The following AKT3 variants were observed in gnomAD, a reference collection of about 807,000 sequenced individuals.
The protein encoded by AKT3 is RAC-gamma serine/threonine-protein kinase.
A neutral mutation model predicts 65.3 loss-of-function variants in AKT3; 15 were observed. The ratio of observed to expected loss-of-function variants is 0.23; its 90% confidence interval spans 0.15 to 0.35. The LOEUF (loss-of-function observed/expected upper bound fraction) is 0.35, where lower values mean the gene tolerates loss of function less well. Among genes scored for constraint, AKT3 ranks in the 10% least tolerant of loss-of-function variants. AKT3 has a pLI of 1.00. For synonymous variants in AKT3, 206 were observed against 183.8 expected (o/e 1.12, Z -0.98); for missense variants, 243 against 576.5 (o/e 0.42, Z 5.92).
rs1002630140 is a variant in AKT3, at chr1:243,659,472, A to G, written c.284+5300T>C. ...AATGTAGCTAAGAACATTTTTGTTA[A>G]AAAAAATAAGGGATATGTTGCTATA... is the stretch of plus-strand genomic sequence containing the variant. On this transcript the variant is annotated intron_variant, in intron 4 of 13. Transcript: ENST00000673466. 3.3e-5 allele frequency among the ~76,000 whole-genome samples: 5 copies of G among 151,976 alleles called. No homozygotes were observed. In the East Asian group the frequency reaches 9.6e-4, roughly 29 times the overall value.
At chr1:243,693,279 T>C (rs1415981907) in intron 3 of AKT3, among the ~76,000 whole-genome samples, 1 of 108,564 alleles carries the variant, frequency 9.2e-6, no homozygotes, top group East Asian at 2.5e-4. Flanking sequence ...TATATATATA[T>C]ATATATATAT....
At chr1:243,547,800 A>G (rs901125121) in intron 11 of AKT3, among the ~76,000 whole-genome samples, 2 of 152,196 alleles carry the variant, frequency 1.3e-5, no homozygotes, top group Non-Finnish European at 2.9e-5. Context: ...TGATACCTGA[A>G]TATCTTTAGT....
intron 6 of AKT3, among the ~76,000 whole-genome samples, chr1:243,626,228 T>C (rs1679149266): frequency 6.6e-6 from 1 of 152,066 alleles, no homozygotes; most frequent in Non-Finnish European, 1.5e-5. Flanking sequence ...GCTAAGAAAA[T>C]AAGACTGAAT....
At chr1:243,570,359 C>T (rs1246299045) in intron 9 of AKT3, among the ~76,000 whole-genome samples, 1 of 152,192 alleles carries the variant, frequency 6.6e-6, no homozygotes, top group Non-Finnish European at 1.5e-5. Flanking sequence ...TTCTTTAATA[C>T]ATCTGGTATA....
At chr1:243,590,684 C>T (rs74153918) in intron 8 of AKT3, among the ~76,000 whole-genome samples, 1,554 of 152,022 alleles carry the variant, frequency 0.01, 20 homozygotes, top group African/African-American at 0.035. Flanking sequence ...TTAACAGATT[C>T]GACACTGAAA....
At chr1:243,583,298 C>G (rs6698416) in intron 8 of AKT3, among the ~76,000 whole-genome samples, 35 of 148,714 alleles carry the variant, frequency 2.4e-4, no homozygotes, top group African/African-American at 6.6e-4. Context: ...ACTACTAGAT[C>G]TACAAAAAGA....
chr1:243,492,344 C>T (rs1429911450), intron 13 of AKT3, among the ~76,000 whole-genome samples: 33 of 141,180 alleles, frequency 2.3e-4, no homozygotes, highest in African/African-American at 1.8e-4. Flanking sequence ...CTCCGTCACC[C>T]GGACTGGAGT....
intron 4 of AKT3, among the ~76,000 whole-genome samples, chr1:243,658,992 T>C (rs1232688759): frequency 2.6e-5 from 4 of 151,880 alleles, no homozygotes; most frequent in African/African-American, 9.7e-5. Context: ...ATCACACCAC[T>C]GCACTACAGC....
At chr1:243,627,360 T>C (rs1374218884) in intron 6 of AKT3, among the ~76,000 whole-genome samples, 1 of 151,756 alleles carries the variant, frequency 6.6e-6, no homozygotes, top group African/African-American at 2.4e-5. Context: ...AGAGACATAC[T>C]GATTGATCTT....
intron 2 of AKT3, among the ~76,000 whole-genome samples, chr1:243,707,792 T>C (rs1055573133): frequency 6.6e-6 from 1 of 152,122 alleles, no homozygotes; most frequent in Non-Finnish European, 1.5e-5. Flanking sequence ...CACACATCAA[T>C]ATCAGGTCTT....
Position 243,564,143 on chromosome 1 carries a change from A to G in AKT3, c.820-295T>C, listed in dbSNP as rs186731904. Among the ~76,000 whole-genome samples the G allele has an allele frequency of 5.3e-4, 81 of 152,332 alleles. No individual in the cohort carries two copies. In the East Asian group the frequency reaches 0.011, roughly 21 times the overall value. On this transcript the variant is annotated intron_variant, in intron 9 of 13. Transcript: ENST00000673466. The stretch of plus-strand genomic sequence containing the variant: ...AATTAAAGCCTAATCAACTTTTCAA[A>G]GCAAACATCAATCCTCTTTTTTTAA...
At chr1:243,526,953 ATACTT>A (rs1399866115) in intron 12 of AKT3, among the ~76,000 whole-genome samples, 5 of 152,230 alleles carry the variant, frequency 3.3e-5, no homozygotes, top group African/African-American at 1.2e-4. Flanking sequence ...ATGGAAGTGT[ATACTT>A]TAAAGGGTGA....
intron 2 of AKT3, among the ~76,000 whole-genome samples, chr1:243,764,623 T>C (rs987622794): frequency 6.6e-6 from 1 of 152,048 alleles, no homozygotes; most frequent in Non-Finnish European, 1.5e-5. Flanking sequence ...CTGACCTCTA[T>C]TACAGAAAAC....
chr1:243,833,793 C>T (rs2148455663), intron 2 of AKT3, among the ~76,000 whole-genome samples: 1 of 151,642 alleles, frequency 6.6e-6, no homozygotes, highest in Admixed American at 6.6e-5. Flanking sequence ...GCCACAGTGG[C>T]TCACACCTGC....
At chr1:243,763,156 AT>A (rs1689598827) in intron 2 of AKT3, among the ~76,000 whole-genome samples, 1 of 152,092 alleles carries the variant, frequency 6.6e-6, no homozygotes, top group Non-Finnish European at 1.5e-5. Context: ...ATTCGCATAC[AT>A]TTTTAAAAAG....
chr1:243,510,299 CTG>C (rs1467398134), intron 13 of AKT3, among the ~76,000 whole-genome samples: 1 of 152,200 alleles, frequency 6.6e-6, no homozygotes, highest in African/African-American at 2.4e-5. Flanking sequence ...AATACGCACA[CTG>C]TGCCAGGCAT....
chr1:243,775,143 G>A (rs533324675), intron 2 of AKT3, among the ~76,000 whole-genome samples: 2 of 152,146 alleles, frequency 1.3e-5, no homozygotes, highest in African/African-American at 2.4e-5. Flanking sequence ...CATTACAGGC[G>A]TGAGCTACCG....
chr1:243,531,091 C>T (rs962775264), intron 12 of AKT3, among the ~76,000 whole-genome samples: 7 of 152,056 alleles, frequency 4.6e-5, no homozygotes, highest in South Asian at 2.1e-4. Flanking sequence ...ATCTATCCAT[C>T]CCTCTCTCTA....
intron 2 of AKT3, among the ~76,000 whole-genome samples, chr1:243,714,371 A>G (rs902341444): frequency 1.3e-5 from 2 of 152,220 alleles, no homozygotes; most frequent in Non-Finnish European, 1.5e-5. Context: ...TAACTCAACA[A>G]AACACTAATG....
Sources: allele counts gnomAD v4.1 joint callset (sites outside exome capture counted in the v4.1 genomes callset), GRCh38; gene constraint gnomAD v4.1.1; transcripts MANE v1.5; gene names NCBI Gene and HGNC (gene_info 2026-07-23, HGNC 2026-07-21).